Variants in LARGE1 observed in about 807,000 individuals in gnomAD.
LARGE1 encodes the protein xylosyl- and glucuronyltransferase LARGE1.
In LARGE1, 43 loss-of-function variants were observed where a neutral mutation model predicts 87.6. The ratio of observed to expected loss-of-function variants is 0.49; its 90% CI spans 0.38 to 0.63. LARGE1 has a LOEUF of 0.63. Among genes scored for constraint, LARGE1 ranks in the 30% least tolerant of loss-of-function variants. The pLI, the probability that LARGE1 is intolerant of heterozygous loss-of-function variation, is 0.00. For missense variants in LARGE1, 802 were observed against 1,000.2 expected (o/e 0.80, Z 2.67); for synonymous variants, 434 against 394.6 (o/e 1.10, Z -1.18).
intron 1 of LARGE1, among the ~76,000 whole-genome samples, chr22:33,840,011 G>C (rs139204748): frequency 6.6e-6 from 1 of 152,146 alleles, no homozygotes; most frequent in Non-Finnish European, 1.5e-5. Context: ...CTTATGAAAC[G>C]ATCTATGGGC....
At chr22:33,783,876 C>T (rs917141969) in intron 1 of LARGE1, among the ~76,000 whole-genome samples, 6 of 152,034 alleles carry the variant, frequency 3.9e-5, no homozygotes, top group African/African-American at 9.7e-5. Context: ...AAGTAGTGGG[C>T]GGTAGAGGGA....
intron 1 of LARGE1, among the ~76,000 whole-genome samples, chr22:33,869,945 T>G (rs937127942): frequency 1.3e-5 from 2 of 152,216 alleles, no homozygotes; most frequent in African/African-American, 2.4e-5. Context: ...CAATACTTCA[T>G]GTGGAGTCTC....
At chr22:33,620,731 G>A (rs2079722017) in intron 4 of LARGE1, among the ~76,000 whole-genome samples, 1 of 152,144 alleles carries the variant, frequency 6.6e-6, no homozygotes. Context: ...AGACCAGCCA[G>A]GCTAACATGG....
chr22:33,269,130 T>A (rs936986895), downstream of LARGE1, among the ~76,000 whole-genome samples: 3 of 152,328 alleles, frequency 2.0e-5, no homozygotes, highest in East Asian at 5.8e-4. Flanking sequence ...TAAAGGGGCA[T>A]GGTATCTACA....
intron 7 of LARGE1, among the ~76,000 whole-genome samples, chr22:33,418,242 C>T (rs1028612462): frequency 5.9e-5 from 9 of 152,110 alleles, no homozygotes; most frequent in Non-Finnish European, 7.3e-5. Flanking sequence ...CCACTGCAGC[C>T]GGCCAGAAAT....
At chr22:33,810,814 C>A (rs1468539872) in intron 1 of LARGE1, among the ~76,000 whole-genome samples, 1 of 152,024 alleles carries the variant, frequency 6.6e-6, no homozygotes, top group African/African-American at 2.4e-5. Context: ...ACTTCCGCCT[C>A]CCGGGTTCAA....
intron 1 of LARGE1, among the ~76,000 whole-genome samples, chr22:33,808,630 C>G (rs2086391016): frequency 6.6e-6 from 1 of 152,252 alleles, no homozygotes; most frequent in Non-Finnish European, 1.5e-5. Context: ...TTCCCCTGCC[C>G]TGACAATGCT....
chr22:33,201,018 A>G (rs1924352752), intron 11 of LARGE1, among the ~76,000 whole-genome samples: 1 of 152,168 alleles, frequency 6.6e-6, no homozygotes, highest in Non-Finnish European at 1.5e-5. Context: ...TGAAAGAAAA[A>G]TAGAATAGGG....
chr22:33,778,510 C>T (rs1192922712), intron 1 of LARGE1, among the ~76,000 whole-genome samples: 1 of 152,204 alleles, frequency 6.6e-6, no homozygotes, highest in African/African-American at 2.4e-5. Flanking sequence ...CAACCAACAT[C>T]TGCTTTCTGC....
chr22:33,632,085 AC>A (rs2080128332), intron 3 of LARGE1, among the ~76,000 whole-genome samples: 1 of 151,810 alleles, frequency 6.6e-6, no homozygotes. Flanking sequence ...CTCACTCTCT[AC>A]CCTTCTCCTA....
chr22:33,823,520 G>C (rs1056850049), intron 1 of LARGE1, among the ~76,000 whole-genome samples: 5 of 152,122 alleles, frequency 3.3e-5, no homozygotes, highest in African/African-American at 9.7e-5. Flanking sequence ...CTTGTAACTG[G>C]AAAAGGAAAT....
intron 11 of LARGE1, among the ~76,000 whole-genome samples, chr22:33,200,385 G>A (rs768567413): frequency 6.6e-6 from 1 of 152,166 alleles, no homozygotes; most frequent in Non-Finnish European, 1.5e-5. Flanking sequence ...CTCGTACGTC[G>A]CTGGTGGGAA....
intron 1 of LARGE1, among the ~76,000 whole-genome samples, chr22:33,880,265 C>A (rs1449068238): frequency 6.6e-6 from 1 of 152,146 alleles, no homozygotes; most frequent in Non-Finnish European, 1.5e-5. Flanking sequence ...AGTATCTGGA[C>A]CCAAGTCAGA....
chr22:33,820,049 A>C (rs2086773701), intron 1 of LARGE1, among the ~76,000 whole-genome samples: 1 of 151,790 alleles, frequency 6.6e-6, no homozygotes, highest in African/African-American at 2.4e-5. Context: ...GAGCAGAGAC[A>C]CCTCCCCTGC....
chr22:33,594,071 G>A (rs9609834), intron 5 of LARGE1, among the ~76,000 whole-genome samples: 12,952 of 152,134 alleles, frequency 0.085, 680 homozygotes, highest in African/African-American at 0.14. Context: ...CTTAATAATG[G>A]GAATTACTAT....
intron 6 of LARGE1, among the ~76,000 whole-genome samples, chr22:33,466,743 TAA>T (rs1387511691): frequency 7.5e-6 from 1 of 134,008 alleles, no homozygotes; most frequent in Non-Finnish European, 1.6e-5. Flanking sequence ...ACACACACCT[TAA>T]GAGTTTGTTA....
intron 2 of LARGE1, among the ~76,000 whole-genome samples, chr22:33,657,641 T>C (rs1479017232): frequency 2.6e-5 from 4 of 152,140 alleles, no homozygotes; most frequent in African/African-American, 4.8e-5. Context: ...GATCCTGTCC[T>C]AGAACATTGT....
At chr22:33,224,564 G>T (rs954312750) in intron 11 of LARGE1, among the ~76,000 whole-genome samples, 1 of 152,190 alleles carries the variant, frequency 6.6e-6, no homozygotes. Context: ...TTCAGTCCAA[G>T]TACCATGGAA....
At chr22:33,893,425 A>C (rs2283958) in intron 1 of LARGE1, among the ~76,000 whole-genome samples, 6,181 of 152,258 alleles carry the variant, frequency 0.041, 152 homozygotes, top group East Asian at 0.14. Flanking sequence ...ATTTATTGAG[A>C]GTTCTCTATG....
Sources: gnomAD v4.1 joint callset for allele counts (sites outside exome capture counted in the v4.1 genomes callset) on GRCh38, gnomAD v4.1.1 for gene constraint, MANE v1.5 for transcripts, NCBI Gene and HGNC (gene_info 2026-07-23, HGNC 2026-07-21) for gene names.